Variants in PEX7 observed in about 807,000 individuals in gnomAD.
PEX7 encodes peroxisomal biogenesis factor 7.
Under a neutral mutation model 47.5 loss-of-function variants are expected in PEX7, and 34 were observed. That is an observed-to-expected ratio of 0.72 (90% CI 0.54 to 0.95). The LOEUF (loss-of-function observed/expected upper bound fraction) is 0.95. Among genes scored for constraint, PEX7 ranks in the 40% least tolerant of loss-of-function variants. PEX7 has a pLI of 0.00. For missense variants in PEX7, 394 were observed against 400.3 expected (o/e 0.98, Z 0.13); for synonymous variants, 141 against 148.8 (o/e 0.95, Z 0.38).
At chr6:136,898,463 G>A (rs577909640) in intron 9 of PEX7, among the ~76,000 whole-genome samples, 9 of 152,198 alleles carry the variant, frequency 5.9e-5, no homozygotes, top group Non-Finnish European at 1.3e-4. Context: ...CTTCCCAGGA[G>A]GTATTATCCT....
intron 8 of PEX7, among the ~76,000 whole-genome samples, chr6:136,889,973 A>G (rs1775527140): frequency 6.6e-6 from 1 of 152,234 alleles, no homozygotes; most frequent in African/African-American, 2.4e-5. Flanking sequence ...TTATTTGCAC[A>G]CATAGTAAGC....
intron 8 of PEX7, among the ~76,000 whole-genome samples, chr6:136,888,831 A>G (rs778300202): frequency 6.6e-6 from 1 of 152,144 alleles, no homozygotes; most frequent in Non-Finnish European, 1.5e-5. Flanking sequence ...TTTCTGAAGC[A>G]GTCATTAATA....
At chr6:136,897,031 C>T (rs1015344007) in intron 8 of PEX7, among the ~76,000 whole-genome samples, 2 of 152,218 alleles carry the variant, frequency 1.3e-5, no homozygotes, top group African/African-American at 4.8e-5. Context: ...AGTAAAATCA[C>T]TCTTCCCAAA....
rs117479278 is a variant in PEX7 at position 136,869,771 on chromosome 6, T to C, written c.634-119T>C. ...TACTTGTTATACAACTTCTCAAAAA[T>C]GACTCCTTGGTTCATATTAAATAGT... On this transcript the variant is annotated intron_variant, in intron 6 of 9. Coordinates refer to ENST00000318471, the MANE Select transcript of PEX7 (RefSeq NM_000288.4). 4,753 of 818,320 alleles carry C rather than the reference T, an allele frequency of 5.8e-3. 100 individuals are homozygous for C. Among genetic ancestry groups the C allele is most frequent in the East Asian group, 0.036 (1,478 of 40,830 alleles). The allele number at this position is 818,320 out of a possible 1,614,324, so 50.7% of individuals were successfully genotyped here.
chr6:136,876,709 G>C (rs1318058293), intron 8 of PEX7, among the ~76,000 whole-genome samples: 1 of 152,214 alleles, frequency 6.6e-6, no homozygotes, highest in Non-Finnish European at 1.5e-5. Flanking sequence ...TGGTGTATAT[G>C]TGCCACATTT....
chr6:136,822,744 T>C lies in PEX7; in HGVS notation c.79T>C (p.Tyr27His). 6.7e-7 allele frequency: 1 copy of C among 1,496,294 alleles called. No individual in the cohort carries two copies. Among genetic ancestry groups the C allele is most frequent in the African/African-American group, 1.5e-5 (1 of 68,760 alleles). 92.7% of individuals were successfully genotyped at this position (1,496,294 alleles called of 1,614,324 possible). The change falls in exon 1 of 10, where the codon TAC becomes CAC. Residue 27 changes from tyrosine (Y) to histidine (H), a missense_variant. Tyr to His is a moderately conservative substitution (Grantham distance 83). Transcript: ENST00000318471. ...RHGYAAEFSPYLPGRLACATA... is the reference protein window; with the variant it reads ...RHGYAAEFSPHLPGRLACATA... ...CGGCTACGCCGCCGAGTTCTCCCCG[T>C]ACCTGCCGGGCCGCCTGGCCTGCGC...
At chr6:136,840,080 A>T (rs1310760373) in intron 3 of PEX7, among the ~76,000 whole-genome samples, 1 of 152,176 alleles carries the variant, frequency 6.6e-6, no homozygotes, top group African/African-American at 2.4e-5. Context: ...GAGAGGATAG[A>T]GCCTGTGTGC....
chr6:136,839,605 A>G (rs1420648244), intron 3 of PEX7, among the ~76,000 whole-genome samples: 8 of 152,210 alleles, frequency 5.3e-5, no homozygotes, highest in Non-Finnish European at 7.3e-5. Context: ...CAGGCACTGC[A>G]TATCTCTCTT....
chr6:136,892,742 T>A (rs1336974930), intron 8 of PEX7, among the ~76,000 whole-genome samples: 2 of 152,202 alleles, frequency 1.3e-5, no homozygotes, highest in Non-Finnish European at 2.9e-5. Context: ...AATAAATAAA[T>A]GCATGGAAAT....
At chr6:136,848,731 G>A (rs1242717531) in intron 5 of PEX7, among the ~76,000 whole-genome samples, 2 of 152,166 alleles carry the variant, frequency 1.3e-5, no homozygotes, top group African/African-American at 2.4e-5. Context: ...GCTTTTTGAT[G>A]TGCTGCTAGA....
chr6:136,859,605 A>C (rs1019599772), intron 5 of PEX7, among the ~76,000 whole-genome samples: 1 of 152,072 alleles, frequency 6.6e-6, no homozygotes, highest in Admixed American at 6.6e-5. Context: ...TACTCAGTTC[A>C]CTTCCCAGTT....
At chr6:136,902,994 A>G (rs186334099) in intron 9 of PEX7, among the ~76,000 whole-genome samples, 1 of 152,318 alleles carries the variant, frequency 6.6e-6, no homozygotes, top group East Asian at 1.9e-4. Context: ...AAGAAAAAAG[A>G]TTACCTCTAG....
At chr6:136,896,022 C>A (rs1775641544) in intron 8 of PEX7, among the ~76,000 whole-genome samples, 1 of 152,094 alleles carries the variant, frequency 6.6e-6, no homozygotes, top group Non-Finnish European at 1.5e-5. Flanking sequence ...TGTGTGACTT[C>A]CCTCATCACA....
chr6:136,863,776 G>A (rs1250003051), intron 5 of PEX7, among the ~76,000 whole-genome samples: 2 of 152,152 alleles, frequency 1.3e-5, no homozygotes, highest in Admixed American at 6.5e-5. Context: ...GGGCATGGTG[G>A]TGTGCGCTTG....
rs112407763 is a variant in PEX7 at position 136,904,444 on chromosome 6, T to C, written c.903+6203T>C. ...TCTGCACTACATAGACACCCTGATA[T>C]AGTTTGGCTGTGTCCCCGCCCAAAT... On this transcript the variant is annotated intron_variant, in intron 9 of 9. Transcript: ENST00000318471. 5.6e-3 allele frequency among the ~76,000 whole-genome samples: 845 copies of C among 152,244 alleles called. 9 individuals are homozygous for C. Among genetic ancestry groups the C allele is most frequent in the African/African-American group, 0.019 (805 of 41,546 alleles).
At chr6:136,830,040 A>G (rs947159387) in intron 3 of PEX7, 2 of 716,490 alleles carry the variant, frequency 2.8e-6, no homozygotes, top group Non-Finnish European at 5.2e-6. Context: ...GAAATAGAAG[A>G]GCAACTAATG....
intron 9 of PEX7, among the ~76,000 whole-genome samples, chr6:136,913,025 T>A (rs3799480): frequency 6.6e-6 from 1 of 151,942 alleles, no homozygotes. Context: ...CCTTCCACAC[T>A]CAGTCTTGAA....
intron 8 of PEX7, among the ~76,000 whole-genome samples, chr6:136,873,911 T>C (rs950689279): frequency 1.3e-5 from 2 of 152,170 alleles, no homozygotes; most frequent in Non-Finnish European, 2.9e-5. Context: ...CTTAGAGATA[T>C]GGCTATGATG....
intron 5 of PEX7, among the ~76,000 whole-genome samples, chr6:136,864,041 G>C (rs1775013360): frequency 6.6e-6 from 1 of 152,066 alleles, no homozygotes; most frequent in Non-Finnish European, 1.5e-5. Flanking sequence ...CTGGTTCCAG[G>C]TCCTGGTTCT....
Sources: gnomAD v4.1 joint callset for allele counts (sites outside exome capture counted in the v4.1 genomes callset) on GRCh38, gnomAD v4.1.1 for gene constraint, MANE v1.5 for transcripts, NCBI Gene and HGNC (gene_info 2026-07-23, HGNC 2026-07-21) for gene names.